Variants in PSD2 observed in about 807,000 individuals in gnomAD.
The protein encoded by PSD2 is pleckstrin and Sec7 domain containing 2, also known as PH and SEC7 domain-containing protein 2.
In PSD2, 38 loss-of-function variants were observed where a neutral mutation model predicts 69.8. The ratio of observed to expected loss-of-function variants is 0.54; its 90% CI spans 0.42 to 0.71. PSD2 has a LOEUF of 0.71. Ranked by LOEUF, PSD2 falls within the 30% of genes least tolerant of loss-of-function variation. The pLI is 0.00. For synonymous variants in PSD2, 412 were observed against 423.0 expected, an observed-to-expected ratio of 0.97 and a Z score of 0.32; for missense variants, 943 against 1,014.5, an observed-to-expected ratio of 0.93 and a Z score of 0.96.
chr5:139,781,812 T>C, the PSD2 span, among the ~76,000 whole-genome samples: 1 of 152,130 alleles, frequency 6.6e-6, no homozygotes, highest in African/African-American at 2.4e-5. Context: ...TTTTGTATTT[T>C]TAGCAGAGAT....
At chr5:139,785,207 C>T in the PSD2 span, among the ~76,000 whole-genome samples, 5 of 145,106 alleles carry the variant, frequency 3.4e-5, no homozygotes, top group Non-Finnish European at 6.0e-5. Context: ...CTCCTTTCCT[C>T]TTCTCCCTTC....
the PSD2 span, among the ~76,000 whole-genome samples, chr5:139,751,105 G>A: frequency 6.6e-6 from 1 of 152,154 alleles, no homozygotes; most frequent in African/African-American, 2.4e-5. Context: ...AGGGACAGGT[G>A]AGACATGATG....
chr5:139,816,812 C>T (rs1760132164), intron 4 of PSD2, among the ~76,000 whole-genome samples: 1 of 152,216 alleles, frequency 6.6e-6, no homozygotes, highest in Non-Finnish European at 1.5e-5. Context: ...TGCATGGGCT[C>T]AGCCCCACCC....
At position 139,842,828 on chromosome 5, in the gene PSD2, C is replaced by G. The variant is rs1308554855; in HGVS notation, c.*354C>G. 1.5e-5 allele frequency: 3 copies of G among 203,376 alleles called. No homozygotes were observed. The highest frequency in any genetic ancestry group is 2.3e-5 in the African/African-American group (1 of 43,236). The allele number at this position is 203,376 out of a possible 1,614,324, so 12.6% of individuals were successfully genotyped here. On this transcript the variant is annotated 3_prime_UTR_variant, in exon 15 of 15. Transcript: ENST00000274710. ...CTTCTCATCAAGCTCCTCTCCTCAT[C>G]TTTTTTGTGTGTGAGGGCAGGTCTT...
intron 4 of PSD2, 129 bp from the exon 5 acceptor site, chr5:139,817,352 G>A: frequency 1.3e-6 from 1 of 749,904 alleles, no homozygotes; most frequent in Non-Finnish European, 2.3e-6. Flanking sequence ...CAACTAGCCA[G>A]CAGCCTAGGG....
At position 139,839,893 on chromosome 5, in the gene PSD2, C is replaced by G; in HGVS notation, c.1969-134C>G. 1.1e-6 allele frequency: 1 copy of G among 924,508 alleles called. No homozygotes were observed. Among genetic ancestry groups the G allele is most frequent in the South Asian group, 1.6e-5 (1 of 62,982 alleles). 57.3% of individuals were successfully genotyped at this position (924,508 alleles called of 1,614,324 possible). A position where few individuals can be genotyped will look rare whatever the true frequency, so the allele number is the denominator to read the frequency against. On this transcript the variant is annotated intron_variant, in intron 13 of 14. Transcript: ENST00000274710. This position sits in a 1 kb window ranked among gnomAD's most constrained non-coding sequence, Gnocchi z 5.1. ...ATGCCCTCAGGTCCAGAGTCTGGCT[C>G]TGTCCCCACATTTTGGTGATGCTGG...
At chr5:139,760,599 C>T in the PSD2 span, among the ~76,000 whole-genome samples, 1 of 152,222 alleles carries the variant, frequency 6.6e-6, no homozygotes, top group Non-Finnish European at 1.5e-5. Context: ...CGCTGGCTGG[C>T]TCTGCTGCTG....
chr5:139,842,590 G>T lies in PSD2; in HGVS notation c.*116G>T. 1 of 917,084 alleles carries T rather than the reference G, an allele frequency of 1.1e-6. No homozygotes were observed. 56.8% of individuals were successfully genotyped at this position (917,084 alleles called of 1,614,324 possible). On this transcript the variant is annotated 3_prime_UTR_variant, in exon 15 of 15. Transcript: ENST00000274710. The stretch of plus-strand genomic sequence containing the variant: ...CCAGTCAGTTGATGGGCAGCTAGAG[G>T]GGTGCAGAAAGCCTGTGGGCCCAGG...
At chr5:139,805,296 T>C (rs530451822) in intron 1 of PSD2, among the ~76,000 whole-genome samples, 86 of 152,360 alleles carry the variant, frequency 5.6e-4, no homozygotes, top group Non-Finnish European at 9.8e-4. Flanking sequence ...TTTGACAATC[T>C]AGCATTCCAT....
rs1191570143 is a variant in PSD2, at chr5:139,836,818, G to A, written c.1411G>A (p.Asp471Asn). Residue 471 changes from aspartate (D) to asparagine (N), a missense_variant, in exon 10 of 15, where the codon GAT (aspartate) becomes AAT (asparagine). Asp to Asn is a conservative substitution (Grantham distance 23). Coordinates refer to ENST00000274710, the MANE Select transcript of PSD2 (RefSeq NM_032289.4). ...GGCCTAGTACTTCCCTAGTGATGAG[G>A]ATGAGCTGAGGAAATCCCTGTCTGA... ...NEKLEWAIDEDELRKSLSELV... is the reference protein window; with the variant it reads ...NEKLEWAIDENELRKSLSELV... 2 of 1,614,052 alleles carry A rather than the reference G, an allele frequency of 1.2e-6. No individual in the cohort carries two copies. Among genetic ancestry groups the A allele is most frequent in the Non-Finnish European group, 1.7e-6 (2 of 1,179,916 alleles).
the PSD2 span, among the ~76,000 whole-genome samples, chr5:139,745,571 ACTT>A: frequency 2.0e-5 from 3 of 152,124 alleles, no homozygotes; most frequent in Admixed American, 6.5e-5. Context: ...TTCTGAGAGA[ACTT>A]CTCTGCTCCT....
At chr5:139,777,741 C>T in the PSD2 span, among the ~76,000 whole-genome samples, 2 of 151,932 alleles carry the variant, frequency 1.3e-5, no homozygotes, top group African/African-American at 2.4e-5. Context: ...AAATTAGCTG[C>T]GTGTGGTGGC....
chr5:139,743,107 C>T, the PSD2 span, among the ~76,000 whole-genome samples: 499 of 152,284 alleles, frequency 3.3e-3, 4 homozygotes, highest in African/African-American at 0.012. Context: ...TCCCCTTGGT[C>T]CCTTTCCTCC....
At position 139,837,002 on chromosome 5, in the gene PSD2, G is replaced by T; in HGVS notation, c.1594+1G>T. 6.2e-7 allele frequency: 1 copy of T among 1,610,854 alleles called. No individual in the cohort carries two copies. Among genetic ancestry groups the T allele is most frequent in the Non-Finnish European group, 8.5e-7 (1 of 1,177,782 alleles). ...CACGCTGACATGGATGGCAAGAGGA[G>T]TGGGTGTCAGGCTGGGAGAGGGGCA... On this transcript the variant is annotated splice_donor_variant, in intron 10 of 14. Coordinates refer to ENST00000274710, the MANE Select transcript of PSD2 (RefSeq NM_032289.4). LOFTEE classifies it high-confidence loss of function. The surrounding 1 kb of genome is among the most constrained non-coding windows in gnomAD (Gnocchi z 5.0).
intron 7 of PSD2, among the ~76,000 whole-genome samples, chr5:139,827,879 C>T (rs568822683): frequency 4.6e-5 from 7 of 152,122 alleles, no homozygotes; most frequent in African/African-American, 1.4e-4. Context: ...GATTACAATT[C>T]GAGATGAGAT....
In PSD2 at chr5:139,839,909, G is replaced by A. The variant is rs940219529; in HGVS notation, c.1969-118G>A. On this transcript the variant is annotated intron_variant, in intron 13 of 14. Coordinates refer to ENST00000274710, the MANE Select transcript of PSD2 (RefSeq NM_032289.4). This position sits in a 1 kb window ranked among gnomAD's most constrained non-coding sequence, Gnocchi z 5.1. ...AGTCTGGCTCTGTCCCCACATTTTGGTGATGCTGGCTAGGCCTTCATTTCC... is the reference window on the plus strand; with the variant it reads ...AGTCTGGCTCTGTCCCCACATTTTGATGATGCTGGCTAGGCCTTCATTTCC... 2.7e-6 allele frequency: 3 copies of A among 1,125,836 alleles called. No individual in the cohort carries two copies. The highest frequency in any genetic ancestry group is 2.0e-5 in the Admixed American group (1 of 50,284). The allele number at this position is 1,125,836 out of a possible 1,614,324, so 69.7% of individuals were successfully genotyped here. A position where few individuals can be genotyped will look rare whatever the true frequency, so the allele number is the denominator to read the frequency against.
the PSD2 span, among the ~76,000 whole-genome samples, chr5:139,771,302 G>C: frequency 6.6e-6 from 1 of 152,264 alleles, no homozygotes; most frequent in Non-Finnish European, 1.5e-5. Context: ...CTCTGTGGTG[G>C]AGCCGCCGTG....
chr5:139,826,639 G>T (rs561459527), intron 7 of PSD2, among the ~76,000 whole-genome samples: 63 of 152,326 alleles, frequency 4.1e-4, no homozygotes, highest in Non-Finnish European at 8.2e-4. Flanking sequence ...GACCAGTCAG[G>T]ATGGGTTTAG....
chr5:139,824,647 T>C (rs1221912463), intron 7 of PSD2, among the ~76,000 whole-genome samples: 1 of 152,202 alleles, frequency 6.6e-6, no homozygotes, highest in East Asian at 1.9e-4. Flanking sequence ...GGCTGTGTTC[T>C]CTGTTGCTCC....
Sources: gnomAD v4.1 joint callset for allele counts (sites outside exome capture counted in the v4.1 genomes callset) on GRCh38, gnomAD v4.1.1 for gene constraint, Gnocchi (gnomAD v3.1) non-coding constraint, MANE v1.5 for transcripts, NCBI Gene and HGNC (gene_info 2026-07-23, HGNC 2026-07-21) for gene names.